Variants in CHD1L observed in about 807,000 individuals in gnomAD.
CHD1L encodes chromodomain helicase DNA binding protein 1 like.
Under a neutral mutation model 115.9 loss-of-function variants are expected in CHD1L, and 118 were observed. The ratio of observed to expected loss-of-function variants is 1.02; its 90% CI spans 0.88 to 1.19. The LOEUF is 1.19. Among genes scored for constraint, CHD1L ranks in the 50% most tolerant of loss-of-function variants. The pLI, the probability that CHD1L is intolerant of heterozygous loss-of-function variation, is 0.00. For missense variants in CHD1L, 1,179 were observed against 1,065.3 expected (o/e 1.11, Z -1.49); for synonymous variants, 411 against 387.1 (o/e 1.06, Z -0.72).
At chr1:147,198,828 G>C in the CHD1L span, among the ~76,000 whole-genome samples, 3 of 139,358 alleles carry the variant, frequency 2.2e-5, no homozygotes, top group Non-Finnish European at 4.5e-5. Context: ...TCCAGCCTGG[G>C]CGACAGAGCG....
At chr1:147,272,660 T>C (rs587687120) in intron 12 of CHD1L, among the ~76,000 whole-genome samples, 26 of 152,354 alleles carry the variant, frequency 1.7e-4, no homozygotes, top group African/African-American at 4.8e-4. Context: ...TTGTCCTTCC[T>C]CTATAAGTAT....
At chr1:147,275,541 G>A (rs1678062662) in intron 13 of CHD1L, 73 bp downstream of exon 13, 1 of 1,197,546 alleles carries the variant, frequency 8.4e-7, no homozygotes, top group South Asian at 1.3e-5. Context: ...GAAGAATATA[G>A]TCCTGGTGAC....
chr1:147,218,967 C>G, the CHD1L span, among the ~76,000 whole-genome samples: 14 of 152,306 alleles, frequency 9.2e-5, no homozygotes, highest in African/African-American at 3.1e-4. Flanking sequence ...ATAACTTAAA[C>G]ACACTATATT....
intron 19 of CHD1L, among the ~76,000 whole-genome samples, chr1:147,288,325 T>TAA (rs782063703): frequency 1.1e-5 from 1 of 90,026 alleles, no homozygotes; most frequent in East Asian, 3.0e-4. Context: ...CCTGTTTCAA[T>TAA]AAAAAAAAAA....
chr1:147,242,515 C>T, upstream of CHD1L: 1 of 511,184 alleles, frequency 2.0e-6, no homozygotes, highest in Non-Finnish European at 3.0e-6. Context: ...CCACGCTCCG[C>T]ACTGCAAGAA....
intron 14 of CHD1L, 104 bp from the exon 15 acceptor site, chr1:147,279,922 A>G (rs1553960570): frequency 1.2e-5 from 14 of 1,175,588 alleles, no homozygotes; most frequent in Admixed American, 1.9e-5. Flanking sequence ...TGTTCATTAG[A>G]GAAGGACTGT....
Position 147,285,465 on chromosome 1 carries a change from G to A in CHD1L, c.1996G>A (p.Glu666Lys). The A allele has an allele frequency of 6.2e-7, 1 of 1,612,492 alleles. No individual in the cohort carries two copies. The highest frequency in any genetic ancestry group is 8.5e-7 in the Non-Finnish European group (1 of 1,179,670). ...CATAGAGGAGAAGAAGAGGCAAAAGGAAGAGGCTGAACATAAGAAAAAGTA... is the reference window on the plus strand; with the variant it reads ...CATAGAGGAGAAGAAGAGGCAAAAGAAAGAGGCTGAACATAAGAAAAAGTA... ...RLIEEKKRQKEEAEHKKKMAW... is the reference protein window; with the variant it reads ...RLIEEKKRQKKEAEHKKKMAW... The change falls in exon 17 of 23, where the codon GAA (glutamate) becomes AAA (lysine). Residue 666 changes from glutamate (E) to lysine (K), a missense_variant. By Grantham distance (56) the Glu-to-Lys change is moderately conservative. Coordinates refer to ENST00000369258, the MANE Select transcript of CHD1L (RefSeq NM_004284.6).
the CHD1L span, among the ~76,000 whole-genome samples, chr1:147,192,022 A>G: frequency 6.6e-6 from 1 of 152,050 alleles, no homozygotes; most frequent in South Asian, 2.1e-4. Flanking sequence ...ATGAACTTTA[A>G]AATAGTTTTT....
At position 147,280,224 on chromosome 1, in the gene CHD1L, C is replaced by A. The variant is rs1553961030; in HGVS notation, c.1705+33C>A. 5 of 1,528,348 alleles carry A rather than the reference C, an allele frequency of 3.3e-6. No homozygotes were observed. In the East Asian group the frequency reaches 1.1e-4, roughly 35 times the overall value. The allele number at this position is 1,528,348 out of a possible 1,614,324, so 94.7% of individuals were successfully genotyped here. A position where few individuals can be genotyped will look rare whatever the true frequency, so the allele number is the denominator to read the frequency against. On this transcript the variant is annotated intron_variant, in intron 15 of 22. Coordinates refer to ENST00000369258, the MANE Select transcript of CHD1L (RefSeq NM_004284.6). ...GGAGGTTAGAGCAGAGCAAATGGCA[C>A]AACCACCCCAAGCTAGAGCTCACGT...
At chr1:147,228,923 G>T in the CHD1L span, among the ~76,000 whole-genome samples, 1 of 152,098 alleles carries the variant, frequency 6.6e-6, no homozygotes, top group Non-Finnish European at 1.5e-5. Context: ...TTTGTCAGAT[G>T]AGTAGATTGC....
At chr1:147,223,904 A>G in the CHD1L span, 1 of 368,214 alleles carries the variant, frequency 2.7e-6, no homozygotes, top group Non-Finnish European at 5.2e-6. Context: ...GTTGTCCTGG[A>G]CTGAGAAGAA....
intron 14 of CHD1L, among the ~76,000 whole-genome samples, chr1:147,278,072 C>T (rs782140347): frequency 7.9e-5 from 12 of 152,180 alleles, no homozygotes; most frequent in East Asian, 5.8e-4. Context: ...TCATGGTTAT[C>T]GGAAAGTTAC....
chr1:147,177,312 A>C, the CHD1L span, among the ~76,000 whole-genome samples: 1 of 152,370 alleles, frequency 6.6e-6, no homozygotes, highest in Non-Finnish European at 1.5e-5. Flanking sequence ...GTAATTCAGC[A>C]TTGGATTTAA....
intron 14 of CHD1L, among the ~76,000 whole-genome samples, chr1:147,279,511 C>T (rs1267396624): frequency 1.3e-5 from 2 of 152,144 alleles, no homozygotes; most frequent in Non-Finnish European, 1.5e-5. Flanking sequence ...TGTTACTGAT[C>T]TTTGCCAAGG....
At chr1:147,262,019 C>T (rs1180932685) in intron 6 of CHD1L, among the ~76,000 whole-genome samples, 1 of 151,856 alleles carries the variant, frequency 6.6e-6, no homozygotes, top group Non-Finnish European at 1.5e-5. Context: ...TACGGTGAAA[C>T]CCCGTCTCTA....
At chr1:147,244,628 C>T (rs1553932910) in intron 1 of CHD1L, among the ~76,000 whole-genome samples, 1 of 152,024 alleles carries the variant, frequency 6.6e-6, no homozygotes, top group Non-Finnish European at 1.5e-5. Context: ...ATTTCTTTTA[C>T]TTTCTGGTGG....
At chr1:147,186,639 A>C in the CHD1L span, 1 of 1,252,764 alleles carries the variant, frequency 8.0e-7, no homozygotes, top group Non-Finnish European at 1.0e-6. Context: ...AGACATACAA[A>C]GATGACTAAA....
At position 147,286,408 on chromosome 1, in the gene CHD1L, A is replaced by G. The variant is rs1224453691; in HGVS notation, c.2129A>G (p.Gln710Arg). The G allele has an allele frequency of 4.3e-6, 7 of 1,614,066 alleles. 1 individual carries two copies. The highest frequency in any genetic ancestry group is 2.2e-5 in the South Asian group (2 of 91,090). ...GEESSAELDYQDPDATSLKYV... is the reference protein window; with the variant it reads ...GEESSAELDYRDPDATSLKYV... ...GAGAGCTCTGCTGAGCTGGATTACC[A>G]AGACCCAGATGCTACTTCCCTCAAG... The change falls in exon 18 of 23, where the codon CAA (glutamine) becomes CGA (arginine). Residue 710 changes from glutamine to arginine, a missense_variant. By Grantham distance (43) the Gln-to-Arg change is conservative. Coordinates refer to ENST00000369258, the MANE Select transcript of CHD1L (RefSeq NM_004284.6).
In CHD1L at chr1:147,270,985, A is replaced by G. The variant is rs1385125557; in HGVS notation, c.1139A>G (p.Gln380Arg). ...ATGACCCAGATGTTGGATATTCTCC[A>G]AGACTATATGGATTACAGAGGTGAC... ...SQMTQMLDIL[Q>R]DYMDYRGYSY... Residue 380 changes from glutamine (Q) to arginine (R), a missense_variant, in exon 11 of 23, where the codon CAA becomes CGA. Physicochemically the swap from Gln to Arg is conservative, Grantham distance 43. Transcript: ENST00000369258. The G allele has an allele frequency of 6.2e-7, 1 of 1,614,030 alleles. No homozygotes were observed. The highest frequency in any genetic ancestry group is 8.5e-7 in the Non-Finnish European group (1 of 1,179,928).
Sources: allele counts gnomAD v4.1 joint callset (sites outside exome capture counted in the v4.1 genomes callset), GRCh38; gene constraint gnomAD v4.1.1; transcripts MANE v1.5; gene names NCBI Gene and HGNC (gene_info 2026-07-23, HGNC 2026-07-21).